The following FAF1 variants were observed in gnomAD, a reference collection of about 807,000 sequenced individuals.
FAF1 encodes the protein Fas associated factor 1, also known as FAS-associated factor 1.
In FAF1, 25 loss-of-function variants were observed where a neutral mutation model predicts 92.5. The ratio of observed to expected loss-of-function variants is 0.27; its 90% confidence interval spans 0.20 to 0.38. The LOEUF (loss-of-function observed/expected upper bound fraction) is 0.38, where lower values mean the gene tolerates loss of function less well. Ranked by LOEUF, FAF1 falls within the 10% of genes least tolerant of loss-of-function variation. The pLI is 1.00. For synonymous variants in FAF1, 234 were observed against 273.2 expected (o/e 0.86, Z 1.42); for missense variants, 636 against 793.3 (o/e 0.80, Z 2.38).
intron 12 of FAF1, among the ~76,000 whole-genome samples, chr1:50,579,373 T>G (rs1235554070): frequency 1.3e-5 from 2 of 152,144 alleles, no homozygotes; most frequent in African/African-American, 4.8e-5. Context: ...CAGTTTAAGT[T>G]ACAAAAGGCT....
intron 7 of FAF1, among the ~76,000 whole-genome samples, chr1:50,704,534 G>A (rs897901302): frequency 6.6e-6 from 1 of 151,850 alleles, no homozygotes; most frequent in Admixed American, 6.6e-5. Flanking sequence ...ATAATAACTC[G>A]GAGATGGAGC....
intron 3 of FAF1, among the ~76,000 whole-genome samples, chr1:50,796,600 C>T (rs1661759905): frequency 6.6e-6 from 1 of 152,040 alleles, no homozygotes; most frequent in South Asian, 2.1e-4. Flanking sequence ...TGCTTCTTGG[C>T]CTGGAATGGG....
chr1:50,813,968 C>T (rs975547569), intron 2 of FAF1, among the ~76,000 whole-genome samples: 36 of 151,956 alleles, frequency 2.4e-4, no homozygotes, highest in African/African-American at 8.2e-4. Flanking sequence ...AGTACCACAC[C>T]ATATATATAT....
At chr1:50,846,840 T>C in intron 2 of FAF1, 2 of 596,974 alleles carry the variant, frequency 3.4e-6, no homozygotes, top group Admixed American at 2.2e-5. Flanking sequence ...GAGGAAGAAG[T>C]GAGAAGATTC....
chr1:50,482,273 C>T (rs1215789254), intron 17 of FAF1, among the ~76,000 whole-genome samples: 1 of 152,068 alleles, frequency 6.6e-6, no homozygotes, highest in East Asian at 1.9e-4. Flanking sequence ...ATTTGAGATT[C>T]ATCCATGTTG....
At chr1:50,829,992 G>A (rs1200896878) in intron 2 of FAF1, among the ~76,000 whole-genome samples, 1 of 152,204 alleles carries the variant, frequency 6.6e-6, no homozygotes, top group Non-Finnish European at 1.5e-5. Context: ...TCCCTTTTAG[G>A]TTCAGGTGGG....
chr1:50,849,595 C>T (rs1265556452), intron 2 of FAF1, among the ~76,000 whole-genome samples: 1 of 152,012 alleles, frequency 6.6e-6, no homozygotes, highest in East Asian at 1.9e-4. Flanking sequence ...ATATTTTAGT[C>T]TATACAGACT....
At chr1:50,832,879 TA>T (rs1029167046) in intron 2 of FAF1, among the ~76,000 whole-genome samples, 2 of 152,204 alleles carry the variant, frequency 1.3e-5, no homozygotes, top group African/African-American at 2.4e-5. Context: ...AAAAAAAAAT[TA>T]AGCTATTTAT....
intron 2 of FAF1, among the ~76,000 whole-genome samples, chr1:50,811,083 C>T (rs749737605): frequency 8.5e-5 from 13 of 152,094 alleles, no homozygotes; most frequent in Non-Finnish European, 1.9e-4. Flanking sequence ...GGCTGTAATT[C>T]CAGCACTTTG....
chr1:50,569,767 C>T (rs1219913173), intron 12 of FAF1, among the ~76,000 whole-genome samples: 1 of 152,134 alleles, frequency 6.6e-6, no homozygotes, highest in Non-Finnish European at 1.5e-5. Context: ...ACATTGCTAT[C>T]TCACTGATTT....
At chr1:50,607,206 G>A (rs1652469086) in intron 8 of FAF1, among the ~76,000 whole-genome samples, 1 of 151,948 alleles carries the variant, frequency 6.6e-6, no homozygotes, top group African/African-American at 2.4e-5. Context: ...GCCCTTGTAT[G>A]ACTCCTTTCT....
intron 13 of FAF1, among the ~76,000 whole-genome samples, chr1:50,558,389 G>A (rs1270167787): frequency 6.6e-6 from 1 of 152,096 alleles, no homozygotes; most frequent in Non-Finnish European, 1.5e-5. Flanking sequence ...CACTGGTGGG[G>A]TCGGGGGACG....
chr1:50,800,774 A>G (rs908666048), intron 3 of FAF1, among the ~76,000 whole-genome samples: 1 of 152,072 alleles, frequency 6.6e-6, no homozygotes, highest in African/African-American at 2.4e-5. Context: ...CTCCAAAACG[A>G]CCTCATTCCT....
intron 18 of FAF1, among the ~76,000 whole-genome samples, chr1:50,446,224 G>A (rs1008886286): frequency 1.2e-4 from 19 of 152,228 alleles, no homozygotes; most frequent in African/African-American, 4.6e-4. Context: ...AGCAGACGCA[G>A]CACTGCATGT....
At chr1:50,703,953 A>T (rs1657574405) in intron 7 of FAF1, among the ~76,000 whole-genome samples, 1 of 152,206 alleles carries the variant, frequency 6.6e-6, no homozygotes, top group Admixed American at 6.6e-5. Flanking sequence ...CGATTTCGGA[A>T]ATATTTGCAG....
chr1:50,758,407 T>C (rs908945755), intron 4 of FAF1, among the ~76,000 whole-genome samples: 1 of 152,240 alleles, frequency 6.6e-6, no homozygotes, highest in Non-Finnish European at 1.5e-5. Context: ...CAGAAATCTG[T>C]CTTACGACAG....
intron 4 of FAF1, among the ~76,000 whole-genome samples, chr1:50,769,105 A>G (rs1399742726): frequency 6.6e-6 from 1 of 152,118 alleles, no homozygotes; most frequent in African/African-American, 2.4e-5. Context: ...GTCAAAAATG[A>G]CAAAGGGGAC....
At chr1:50,896,109 C>T (rs1644755822) in intron 1 of FAF1, among the ~76,000 whole-genome samples, 1 of 152,110 alleles carries the variant, frequency 6.6e-6, no homozygotes, top group Non-Finnish European at 1.5e-5. Flanking sequence ...TCAAATCATC[C>T]TTGTTTGTTA....
At chr1:50,921,524 A>T (rs1483191736) in intron 1 of FAF1, among the ~76,000 whole-genome samples, 1 of 151,442 alleles carries the variant, frequency 6.6e-6, no homozygotes, top group African/African-American at 2.4e-5. Flanking sequence ...CACTTTGTGA[A>T]GTCAACAAGC....
Sources: allele counts gnomAD v4.1 joint callset (sites outside exome capture counted in the v4.1 genomes callset), GRCh38; gene constraint gnomAD v4.1.1; transcripts MANE v1.5; gene names NCBI Gene and HGNC (gene_info 2026-07-23, HGNC 2026-07-21).